The following CPLANE1 variants were observed in gnomAD, a reference collection of about 807,000 sequenced individuals.
CPLANE1 encodes the protein ciliogenesis and planar polarity effector complex subunit 1.
In CPLANE1, 263 loss-of-function variants were observed where a neutral mutation model predicts 362.5. That is an observed-to-expected ratio of 0.73 (90% CI 0.66 to 0.80). The LOEUF (loss-of-function observed/expected upper bound fraction) is 0.80. CPLANE1 is among the 30% of genes least tolerant of loss of function. The pLI, the probability that CPLANE1 is intolerant of heterozygous loss-of-function variation, is 0.00. For synonymous variants in CPLANE1, 1,212 were observed against 1,302.6 expected, an observed-to-expected ratio of 0.93 and a Z score of 1.50; for missense variants, 3,461 against 3,793.4, an observed-to-expected ratio of 0.91 and a Z score of 2.30.
At chr5:37,150,110 T>C (rs1773059977) in intron 42 of CPLANE1, among the ~76,000 whole-genome samples, 1 of 152,132 alleles carries the variant, frequency 6.6e-6, no homozygotes, top group South Asian at 2.1e-4. Context: ...AGGGATAGAA[T>C]GTATACTCTG....
the CPLANE1 span, among the ~76,000 whole-genome samples, chr5:37,081,385 C>T: frequency 6.6e-6 from 1 of 152,010 alleles, no homozygotes. Context: ...TGCAGTGGTG[C>T]GATCTCGGCT....
chr5:37,247,564 A>C, intron 2 of CPLANE1, 54 bp downstream of exon 2: 1 of 1,456,220 alleles, frequency 6.9e-7, no homozygotes, highest in Non-Finnish European at 9.3e-7. Context: ...TTACAGGCAA[A>C]ACACACATAT....
At chr5:37,170,560 T>G (rs991425729) in intron 32 of CPLANE1, among the ~76,000 whole-genome samples, 5 of 152,070 alleles carry the variant, frequency 3.3e-5, no homozygotes, top group Non-Finnish European at 7.4e-5. Context: ...CACTTGCGAA[T>G]GAAACTTGGA....
chr5:37,148,279 A>C lies in CPLANE1; in HGVS notation c.8374-11T>G. ...ATCCACTGGTCCAATCTGTAGAAAA[A>C]ACACACACAACAAAACAACAGTAAT... On this transcript the variant is annotated splice_polypyrimidine_tract_variant and intron_variant, in intron 42 of 52. Transcript: ENST00000651892. 1 of 1,564,798 alleles carries C rather than the reference A, an allele frequency of 6.4e-7. No homozygotes were observed. The highest frequency in any genetic ancestry group is 8.8e-7 in the Non-Finnish European group (1 of 1,139,450).
At chr5:37,189,378 G>C (rs1463038219) in intron 21 of CPLANE1, among the ~76,000 whole-genome samples, 1 of 152,154 alleles carries the variant, frequency 6.6e-6, no homozygotes, top group Non-Finnish European at 1.5e-5. Context: ...AGGGTCTCCA[G>C]TGAGCATTTT....
At chr5:37,204,986 G>A (rs1484338196) in intron 18 of CPLANE1, among the ~76,000 whole-genome samples, 1 of 152,118 alleles carries the variant, frequency 6.6e-6, no homozygotes, top group Non-Finnish European at 1.5e-5. Context: ...GTGAAACCCT[G>A]TCTCTACAAA....
intron 47 of CPLANE1, among the ~76,000 whole-genome samples, chr5:37,123,964 C>CACACAG (rs887963462): frequency 6.7e-6 from 1 of 149,994 alleles, no homozygotes; most frequent in Non-Finnish European, 1.5e-5. Context: ...CACACACACA[C>CACACAG]AGTCTCTCTC....
chr5:37,205,504 G>A, intron 17 of CPLANE1, 50 bp from the exon 18 acceptor site: 5 of 1,342,520 alleles, frequency 3.7e-6, no homozygotes, highest in Admixed American at 5.5e-5. Context: ...TGAAAAAAAA[G>A]GAAAGGTTTC....
chr5:37,208,011 T>A (rs546551019), intron 16 of CPLANE1, among the ~76,000 whole-genome samples: 1 of 152,302 alleles, frequency 6.6e-6, no homozygotes, highest in South Asian at 2.1e-4. Context: ...TGGAGTGTAA[T>A]CACGTGATCT....
intron 6 of CPLANE1, among the ~76,000 whole-genome samples, chr5:37,240,122 C>T (rs944942584): frequency 5.3e-4 from 80 of 152,116 alleles, no homozygotes; most frequent in Middle Eastern, 3.4e-3. Context: ...GAGGCAGAGA[C>T]GGGTGGATCA....
chr5:37,134,985 G>T (rs1157977851), intron 46 of CPLANE1, among the ~76,000 whole-genome samples: 1 of 151,562 alleles, frequency 6.6e-6, no homozygotes, highest in East Asian at 1.9e-4. Flanking sequence ...TAGAGATGGG[G>T]TTTCTCCATG....
At chr5:37,114,537 C>A (rs1039778713) in intron 51 of CPLANE1, among the ~76,000 whole-genome samples, 19 of 152,162 alleles carry the variant, frequency 1.2e-4, no homozygotes, top group African/African-American at 4.1e-4. Context: ...TGAACCACTG[C>A]AGCGCAGAGC....
intron 8 of CPLANE1, among the ~76,000 whole-genome samples, chr5:37,235,073 A>G (rs1798650439): frequency 6.6e-6 from 1 of 152,092 alleles, no homozygotes; most frequent in African/African-American, 2.4e-5. Flanking sequence ...TATCTAGAAA[A>G]CCCTAAAGAC....
chr5:37,107,649 T>C lies in CPLANE1; in HGVS notation c.9709A>G (p.Ser3237Gly), dbSNP rs769165676. 2 of 1,611,380 alleles carry C rather than the reference T, an allele frequency of 1.2e-6. No individual in the cohort carries two copies. Among genetic ancestry groups the C allele is most frequent in the South Asian group, 1.1e-5 (1 of 90,516 alleles). ...DWNAIEDMVA[S>G]VEDQGLSVHW... ...ACAGACAGGCCCTGGTCCTCCACGC[T>C]GGCCACCATGTCTTCGATGGCATTC... Residue 3237 changes from serine (S) to glycine (G), a missense_variant, in exon 53 of 53, where the codon AGC (serine) becomes GGC (glycine). This residue lies in a region of CPLANE1 where 81 missense variants were observed against 127.3 expected (regional missense o/e 0.64). Transcript: ENST00000651892.
At chr5:37,172,679 C>G (rs896554202) in intron 32 of CPLANE1, among the ~76,000 whole-genome samples, 1 of 152,178 alleles carries the variant, frequency 6.6e-6, no homozygotes, top group South Asian at 2.1e-4. Context: ...ATCAAGGCCC[C>G]TAAGTTCAAA....
At chr5:37,188,453 G>A (rs1053525970) in intron 21 of CPLANE1, among the ~76,000 whole-genome samples, 1 of 152,186 alleles carries the variant, frequency 6.6e-6, no homozygotes, top group Admixed American at 6.5e-5. Context: ...GCAAGACCTT[G>A]TCTCCTAGCT....
In CPLANE1 at chr5:37,120,237, G is replaced by C. The variant is rs752271088; in HGVS notation, c.9289C>G (p.Gln3097Glu). 1.2e-6 allele frequency: 2 copies of C among 1,605,228 alleles called. No individual in the cohort carries two copies. Among genetic ancestry groups the C allele is most frequent in the Non-Finnish European group, 1.7e-6 (2 of 1,177,884 alleles). The change falls in exon 50 of 53, where the codon CAA becomes GAA. Residue 3097 changes from glutamine to glutamate, a missense_variant. By Grantham distance (29) the Gln-to-Glu change is conservative. This residue lies in a region of CPLANE1 where 3,380 missense variants were observed against 3,666.1 expected (regional missense o/e 0.92). Coordinates refer to ENST00000651892, the MANE Select transcript of CPLANE1 (RefSeq NM_001384732.1). ...IHKRKSFGQP[Q>E]GSPWPHGTAT... ...TTACCATGTGGCCAAGGTGAGCCTT[G>C]AGGTTGCCCAAAAGACTTCCTCTTA...
chr5:37,095,087 C>T, the CPLANE1 span, among the ~76,000 whole-genome samples: 1 of 152,120 alleles, frequency 6.6e-6, no homozygotes, highest in South Asian at 2.1e-4. Context: ...TTCTATGAAG[C>T]CAGTTATCAC....
chr5:37,197,713 C>T (rs1787942209), intron 20 of CPLANE1, among the ~76,000 whole-genome samples: 1 of 152,120 alleles, frequency 6.6e-6, no homozygotes, highest in South Asian at 2.1e-4. Flanking sequence ...GTTTCAGCAC[C>T]ATTTTTTAAT....
Sources: allele counts gnomAD v4.1 joint callset (sites outside exome capture counted in the v4.1 genomes callset), GRCh38; gene constraint gnomAD v4.1.1; regional missense constraint gnomAD v4.1.1; transcripts MANE v1.5; gene names NCBI Gene and HGNC (gene_info 2026-07-23, HGNC 2026-07-21).